The following MTX2 variants were observed in gnomAD, a reference collection of about 807,000 sequenced individuals.
The protein encoded by MTX2 is metaxin 2.
A neutral mutation model predicts 42.3 loss-of-function variants in MTX2; 35 were observed. That is an observed-to-expected ratio of 0.83 (90% CI 0.63 to 1.10). The LOEUF (loss-of-function observed/expected upper bound fraction) is 1.10, where lower values mean the gene tolerates loss of function less well. Among genes scored for constraint, MTX2 ranks in the 50% least tolerant of loss-of-function variants. The pLI, the probability that MTX2 is intolerant of heterozygous loss-of-function variation, is 0.00. For synonymous variants in MTX2, 119 were observed against 100.9 expected (o/e 1.18, Z -1.08); for missense variants, 307 against 304.1 (o/e 1.01, Z -0.07).
intron 1 of MTX2, among the ~76,000 whole-genome samples, chr2:176,286,265 A>G (rs2105403353): frequency 6.6e-6 from 1 of 152,274 alleles, no homozygotes; most frequent in Non-Finnish European, 1.5e-5. Flanking sequence ...TATTTTGGAT[A>G]TATGCTGTAT....
intron 3 of MTX2, among the ~76,000 whole-genome samples, chr2:176,311,885 T>C (rs1684319353): frequency 6.6e-6 from 1 of 152,090 alleles, no homozygotes; most frequent in Non-Finnish European, 1.5e-5. Context: ...ACCCTGCTTT[T>C]CCTAGCCCTC....
At chr2:176,316,821 G>A (rs187812046) in intron 3 of MTX2, among the ~76,000 whole-genome samples, 160 of 152,008 alleles carry the variant, frequency 1.1e-3, no homozygotes, top group Non-Finnish European at 1.5e-3. Flanking sequence ...TATAAATAGG[G>A]CTTAAGTGTG....
At chr2:176,287,076 T>C (rs1448918375) in intron 1 of MTX2, among the ~76,000 whole-genome samples, 2 of 152,160 alleles carry the variant, frequency 1.3e-5, no homozygotes, top group Non-Finnish European at 2.9e-5. Context: ...CCAGATAATA[T>C]TGTCATAATG....
chr2:176,312,635 G>T (rs924978890), intron 3 of MTX2, among the ~76,000 whole-genome samples: 1 of 151,918 alleles, frequency 6.6e-6, no homozygotes, highest in Non-Finnish European at 1.5e-5. Flanking sequence ...AGGCTGAGGC[G>T]GGTGGATCAC....
intron 7 of MTX2, 49 bp downstream of exon 7, chr2:176,328,961 A>G (rs1049142244): frequency 6.7e-7 from 1 of 1,488,536 alleles, no homozygotes; most frequent in Non-Finnish European, 9.3e-7. Context: ...ATGAGAAAAC[A>G]CTTTTGCTCA....
chr2:176,290,659 C>T (rs1424069689), intron 1 of MTX2, among the ~76,000 whole-genome samples: 2 of 151,848 alleles, frequency 1.3e-5, no homozygotes, highest in African/African-American at 4.8e-5. Context: ...TTATAGAGCT[C>T]ATTTCCTAGA....
chr2:176,277,190 A>T (rs1356657363), intron 1 of MTX2, among the ~76,000 whole-genome samples: 1 of 152,190 alleles, frequency 6.6e-6, no homozygotes, highest in African/African-American at 2.4e-5. Context: ...CCCTCCTCAC[A>T]TGAGTACTGG....
chr2:176,297,330 T>G (rs764197264), intron 2 of MTX2, among the ~76,000 whole-genome samples: 1 of 152,128 alleles, frequency 6.6e-6, no homozygotes, highest in Non-Finnish European at 1.5e-5. Flanking sequence ...ATGGACCCCA[T>G]TTGGGGCTTA....
chr2:176,283,121 T>A (rs567979510), intron 1 of MTX2, among the ~76,000 whole-genome samples: 2 of 152,272 alleles, frequency 1.3e-5, no homozygotes, highest in East Asian at 3.9e-4. Flanking sequence ...CACAATAAGT[T>A]GTAGAATTGG....
chr2:176,335,084 A>C (rs1281058187), intron 9 of MTX2, among the ~76,000 whole-genome samples: 1 of 152,092 alleles, frequency 6.6e-6, no homozygotes, highest in Non-Finnish European at 1.5e-5. Context: ...CAAATGTAGA[A>C]TTAAAAAAGG....
At position 176,317,993 on chromosome 2, in the gene MTX2, TC is replaced by T. The variant is rs150538817; in HGVS notation, c.136-5398del. ...TTCTGTGATGCAAATGTATTGATTT[TC>T]TACTGTGCAAACTCTTAGGTTTCAG... On this transcript the variant is annotated intron_variant, in intron 3 of 9. Coordinates refer to ENST00000249442, the MANE Select transcript of MTX2 (RefSeq NM_006554.5). 3.7e-3 allele frequency among the ~76,000 whole-genome samples: 559 copies of T among 152,254 alleles called. 6 individuals carry two copies. Among genetic ancestry groups the T allele is most frequent in the East Asian group, 0.036 (184 of 5,174 alleles).
intron 1 of MTX2, among the ~76,000 whole-genome samples, chr2:176,272,423 T>TA (rs552836222): frequency 1.3e-5 from 2 of 152,326 alleles, no homozygotes; most frequent in East Asian, 3.9e-4. Flanking sequence ...ATAATTTTCT[T>TA]ACAAAAATTT....
chr2:176,334,428 C>T (rs1684939781), intron 9 of MTX2, among the ~76,000 whole-genome samples: 1 of 151,796 alleles, frequency 6.6e-6, no homozygotes, highest in African/African-American at 2.4e-5. Flanking sequence ...TTGTATTATT[C>T]TCACCAAGTG....
In MTX2 at chr2:176,330,518, T is replaced by A; in HGVS notation, c.544-66T>A. 2.6e-6 allele frequency: 3 copies of A among 1,174,754 alleles called. No homozygotes were observed. The Admixed American group carries it at 6.8e-5, about 27-fold the overall frequency. The allele number at this position is 1,174,754 out of a possible 1,614,324, so 72.8% of individuals were successfully genotyped here. A position where few individuals can be genotyped will look rare whatever the true frequency, so the allele number is the denominator to read the frequency against. On this transcript the variant is annotated intron_variant, in intron 8 of 9. Coordinates refer to ENST00000249442, the MANE Select transcript of MTX2 (RefSeq NM_006554.5). ...GTTATAAACTGTGATACAAGTTACG[T>A]TTTAGATACTTTTTATTGTTTTGCT...
intron 3 of MTX2, among the ~76,000 whole-genome samples, chr2:176,309,035 A>G (rs895685828): frequency 2.6e-5 from 4 of 152,198 alleles, no homozygotes; most frequent in Admixed American, 1.3e-4. Flanking sequence ...ATTTAGTGCT[A>G]TAAATTTCCC....
At chr2:176,299,158 A>C (rs907433071) in intron 3 of MTX2, among the ~76,000 whole-genome samples, 4 of 152,076 alleles carry the variant, frequency 2.6e-5, no homozygotes, top group South Asian at 4.1e-4. Context: ...TGCTCGTCAA[A>C]ACGGTTGAAG....
At chr2:176,271,061 G>T (rs1415750780) in intron 1 of MTX2, among the ~76,000 whole-genome samples, 1 of 152,148 alleles carries the variant, frequency 6.6e-6, no homozygotes, top group Non-Finnish European at 1.5e-5. Flanking sequence ...AGAAAATGAT[G>T]AATGTCTTTT....
chr2:176,311,673 G>T (rs1558937454), intron 3 of MTX2, among the ~76,000 whole-genome samples: 1 of 152,242 alleles, frequency 6.6e-6, no homozygotes, highest in Non-Finnish European at 1.5e-5. Context: ...TGTGCTAGCA[G>T]TGAGCAAGGC....
At chr2:176,296,438 C>T (rs1017592222) in intron 1 of MTX2, among the ~76,000 whole-genome samples, 13 of 151,970 alleles carry the variant, frequency 8.6e-5, no homozygotes, top group East Asian at 1.9e-4. Context: ...AAAAGTTTGC[C>T]GTAAAATATT....
Sources: allele counts gnomAD v4.1 joint callset (sites outside exome capture counted in the v4.1 genomes callset), GRCh38; gene constraint gnomAD v4.1.1; transcripts MANE v1.5; gene names NCBI Gene and HGNC (gene_info 2026-07-23, HGNC 2026-07-21).